Variants in KLHL11 observed in about 807,000 individuals in gnomAD.
KLHL11 encodes kelch like family member 11.
KLHL11 carries 26 observed loss-of-function variants against 56.1 expected under a neutral mutation model. The observed-to-expected ratio is 0.46, with a 90% CI of 0.34 to 0.64. The LOEUF (loss-of-function observed/expected upper bound fraction) is 0.64. KLHL11 is among the 30% of genes least tolerant of loss of function. The probability of loss-of-function intolerance (pLI) is 0.01; values close to 1 mark genes in which losing one functional copy is unlikely to be tolerated. For synonymous variants in KLHL11, 338 were observed against 345.8 expected, an observed-to-expected ratio of 0.98 and a Z score of 0.25; for missense variants, 627 against 919.4, an observed-to-expected ratio of 0.68 and a Z score of 4.11.
chr17:41,853,066 T>G lies in KLHL11; in HGVS notation c.*674A>C, dbSNP rs146548969. Among the ~76,000 whole-genome samples the G allele has an allele frequency of 6.6e-6, 1 of 152,346 alleles. No individual in the cohort carries two copies. Among genetic ancestry groups the G allele is most frequent in the East Asian group, 1.9e-4 (1 of 5,192 alleles). On this transcript the variant is annotated 3_prime_UTR_variant, in exon 2 of 2. Coordinates refer to ENST00000319121, the MANE Select transcript of KLHL11 (RefSeq NM_018143.3). The stretch of plus-strand genomic sequence containing the variant: ...GCTAAAGATCTATACTTTTGCCAAC[T>G]ACCGTCACCTCAGATTGAAGGCTTA...
At position 41,860,964 on chromosome 17, in the gene KLHL11, C is replaced by T. The variant is rs112488199; in HGVS notation, c.545+3862G>A. ...AGCTGTCTTTTGTGGGGGCGATTTG[C>T]ATCTGTAGAGAAAATCTACATTAAT... is the stretch of plus-strand genomic sequence containing the variant. On this transcript the variant is annotated intron_variant, in intron 1 of 1. Transcript: ENST00000319121. Among the ~76,000 whole-genome samples, 236 of 152,262 alleles carry T rather than the reference C, an allele frequency of 1.5e-3. 2 individuals are homozygous for T. The highest frequency in any genetic ancestry group is 5.5e-3 in the African/African-American group (227 of 41,550).
Position 41,852,348 on chromosome 17 carries a change from C to G in KLHL11, c.*1392G>C, listed in dbSNP as rs1433286308. On this transcript the variant is annotated 3_prime_UTR_variant, in exon 2 of 2. Transcript: ENST00000319121. ...CCTTTAAAAGCCAAAATTATGTACCCAAATTTGGTATCCTAGGCTCAGGCA... is the reference window on the plus strand; with the variant it reads ...CCTTTAAAAGCCAAAATTATGTACCGAAATTTGGTATCCTAGGCTCAGGCA... Among the ~76,000 whole-genome samples, 2 of 151,952 alleles carry G rather than the reference C, an allele frequency of 1.3e-5. No individual in the cohort carries two copies. Among genetic ancestry groups the G allele is most frequent in the African/African-American group, 4.8e-5 (2 of 41,406 alleles).
chr17:41,862,151 T>C (rs1173553357), intron 1 of KLHL11, among the ~76,000 whole-genome samples: 3 of 151,816 alleles, frequency 2.0e-5, no homozygotes, highest in African/African-American at 7.3e-5. Flanking sequence ...TGCAGTGGCG[T>C]AATCTCAGCT....
chr17:41,864,756 C>T lies in KLHL11; in HGVS notation c.545+70G>A, dbSNP rs2144168063. Reference sequence around the variant, plus strand: ...GAGCTGCCGTGGCAGGCACTGCCCTCCCCTCCGCCAGCGAGCATCTCCCCC... The same window carrying T: ...GAGCTGCCGTGGCAGGCACTGCCCTTCCCTCCGCCAGCGAGCATCTCCCCC... On this transcript the variant is annotated intron_variant, in intron 1 of 1. Coordinates refer to ENST00000319121, the MANE Select transcript of KLHL11 (RefSeq NM_018143.3). The T allele has an allele frequency of 4.2e-6, 6 of 1,413,184 alleles. No individual in the cohort carries two copies. The South Asian group carries it at 5.9e-5, about 14-fold the overall frequency. The allele number at this position is 1,413,184 out of a possible 1,614,324, so 87.5% of individuals were successfully genotyped here.
intron 1 of KLHL11, 150 bp from the exon 2 acceptor site, chr17:41,855,471 T>C: frequency 1.7e-6 from 1 of 596,982 alleles, no homozygotes; most frequent in Non-Finnish European, 2.9e-6. Flanking sequence ...CTCTACCTCC[T>C]GGGTTCCAGC....
In KLHL11 at chr17:41,854,687, G is replaced by C; in HGVS notation, c.1180C>G (p.His394Asp). Residue 394 changes from histidine (H) to aspartate (D), a missense_variant, in exon 2 of 2, where the codon CAT becomes GAT. This residue lies in a region of KLHL11 where 106 missense variants were observed against 227.0 expected (regional missense o/e 0.47). Coordinates refer to ENST00000319121, the MANE Select transcript of KLHL11 (RefSeq NM_018143.3). This position sits in a 1 kb window ranked among gnomAD's most constrained non-coding sequence, Gnocchi z 4.9. ...ACAGCATGTCCATCGAGGTGATTAT[G>C]AATATGTGGCAGATTTACCCATCTG... ...EDRWVNLPHI[H>D]NHLDGHAVAV... 1.2e-6 allele frequency: 2 copies of C among 1,614,146 alleles called. No homozygotes were observed. The highest frequency in any genetic ancestry group is 1.7e-6 in the Non-Finnish European group (2 of 1,180,046).
intron 1 of KLHL11, among the ~76,000 whole-genome samples, chr17:41,856,742 C>T (rs781938607): frequency 7.9e-5 from 12 of 151,858 alleles, no homozygotes; most frequent in African/African-American, 1.5e-4. Context: ...CATGGCTGGG[C>T]GCAGTGGCTC....
chr17:41,858,827 G>A (rs1391862440), intron 1 of KLHL11, among the ~76,000 whole-genome samples: 1 of 151,874 alleles, frequency 6.6e-6, no homozygotes, highest in African/African-American at 2.4e-5. Context: ...CAAGCAATCT[G>A]CCCACTTTAG....
Position 41,852,993 on chromosome 17 carries a change from A to C in KLHL11, c.*747T>G, listed in dbSNP as rs971775226. The stretch of plus-strand genomic sequence containing the variant: ...AGTCTACACTAATACTTTTCTTCTT[A>C]GAGAAACAAAGTTCACACATGTAAC... On this transcript the variant is annotated 3_prime_UTR_variant, in exon 2 of 2. Transcript: ENST00000319121. Among the ~76,000 whole-genome samples, 1 of 152,236 alleles carries C rather than the reference A, an allele frequency of 6.6e-6. No individual in the cohort carries two copies.
chr17:41,858,714 G>A (rs1485422517), intron 1 of KLHL11, among the ~76,000 whole-genome samples: 2 of 151,974 alleles, frequency 1.3e-5, no homozygotes, highest in Admixed American at 6.6e-5. Context: ...GATTACAGGC[G>A]TGAGCCACTG....
At position 41,865,271 on chromosome 17, in the gene KLHL11, C is replaced by A; in HGVS notation, c.100G>T (p.Ala34Ser). The A allele has an allele frequency of 6.3e-7, 1 of 1,575,282 alleles. No homozygotes were observed. Among genetic ancestry groups the A allele is most frequent in the Non-Finnish European group, 8.6e-7 (1 of 1,167,356 alleles). Residue 34 changes from alanine (A) to serine (S), a missense_variant, in exon 1 of 2, where the codon GCA (alanine) becomes TCA (serine). Coordinates refer to ENST00000319121, the MANE Select transcript of KLHL11 (RefSeq NM_018143.3). ...ESMETAAAGS[A>S]GLAAEVRGSG... ...CCTCGGACCTCGGCGGCCAGTCCTGCCGAGCCGGCGGCGGCCGTCTCCATG... is the reference window on the plus strand; with the variant it reads ...CCTCGGACCTCGGCGGCCAGTCCTGACGAGCCGGCGGCGGCCGTCTCCATG...
intron 1 of KLHL11, among the ~76,000 whole-genome samples, chr17:41,855,674 ATT>A (rs782123336): frequency 1.1e-4 from 15 of 132,350 alleles, no homozygotes; most frequent in Non-Finnish European, 9.8e-5. Flanking sequence ...CCCGGCCTAC[ATT>A]TTTTTTTTTT....
At chr17:41,860,122 G>C (rs1383515891) in intron 1 of KLHL11, among the ~76,000 whole-genome samples, 1 of 152,154 alleles carries the variant, frequency 6.6e-6, no homozygotes, top group Non-Finnish European at 1.5e-5. Flanking sequence ...AGACAAAGTA[G>C]AGTGGTATGG....
rs973550612 is a variant in KLHL11 at position 41,849,176 on chromosome 17, T to C, written c.*4564A>G. ...GAGACTGAATTGTTTCTCAAATATT[T>C]TGCAGTTAAAGCACCCTCTGGTGTA... On this transcript the variant is annotated 3_prime_UTR_variant, in exon 2 of 2. Transcript: ENST00000319121. 1.3e-5 allele frequency: 2 copies of C among 152,208 alleles called. No homozygotes were observed. The highest frequency in any genetic ancestry group is 4.8e-5 in the African/African-American group (2 of 41,446). The allele number at this position is 152,208 out of a possible 1,614,324, so 9.4% of individuals were successfully genotyped here. A position where few individuals can be genotyped will look rare whatever the true frequency, so the allele number is the denominator to read the frequency against.
chr17:41,864,930 C>G lies in KLHL11; in HGVS notation c.441G>C (p.Pro147=), dbSNP rs781794301. ...CTTCCACTGTGTCGGGTTCGGGCCC[C>G]GGCTCGGAGCTCCACTTGCGCATCT... ...RVEMRKWSSE[P]GPEPDTVEAV... Residue 147 remains proline, a synonymous_variant, in exon 1 of 2, where the codon CCG becomes CCC. Coordinates refer to ENST00000319121, the MANE Select transcript of KLHL11 (RefSeq NM_018143.3). The G allele has an allele frequency of 4.7e-5, 76 of 1,610,724 alleles. No homozygotes were observed. Among genetic ancestry groups the G allele is most frequent in the Non-Finnish European group, 6.2e-5 (73 of 1,178,964 alleles).
intron 1 of KLHL11, among the ~76,000 whole-genome samples, chr17:41,857,617 T>C (rs2048374297): frequency 6.6e-6 from 1 of 151,906 alleles, no homozygotes; most frequent in African/African-American, 2.4e-5. Context: ...CATACATATA[T>C]ACACACATAT....
At chr17:41,864,771 G>C (rs1408832594) in intron 1 of KLHL11, 55 bp downstream of exon 1, 1 of 1,451,434 alleles carries the variant, frequency 6.9e-7, no homozygotes, top group East Asian at 2.6e-5. Flanking sequence ...CCGCCAGCGA[G>C]CATCTCCCCC....
At chr17:41,858,218 CTTTTTTTTTTTTT>C (rs1174225045) in intron 1 of KLHL11, among the ~76,000 whole-genome samples, 1 of 116,410 alleles carries the variant, frequency 8.6e-6, no homozygotes, top group African/African-American at 3.3e-5. Context: ...TCACCAGCCT[CTTTTTTTTTTTTT>C]TTTTTTTTTT....
chr17:41,853,330 C>T lies in KLHL11; in HGVS notation c.*410G>A, dbSNP rs2048342357. 1.3e-5 allele frequency among the ~76,000 whole-genome samples: 2 copies of T among 152,096 alleles called. No individual in the cohort carries two copies. Among genetic ancestry groups the T allele is most frequent in the African/African-American group, 2.4e-5 (1 of 41,414 alleles). On this transcript the variant is annotated 3_prime_UTR_variant, in exon 2 of 2. Coordinates refer to ENST00000319121, the MANE Select transcript of KLHL11 (RefSeq NM_018143.3). ...GGCTCAATGCAGAAGTCAGATCTTG[C>T]CAAAACCAATCATTTAATAAAAAAT... is the stretch of plus-strand genomic sequence containing the variant.
Sources: allele counts gnomAD v4.1 joint callset (sites outside exome capture counted in the v4.1 genomes callset), GRCh38; gene constraint gnomAD v4.1.1; regional missense constraint gnomAD v4.1.1; non-coding constraint Gnocchi (gnomAD v3.1); transcripts MANE v1.5; gene names NCBI Gene and HGNC (gene_info 2026-07-23, HGNC 2026-07-21).